The following SUPT5H variants were observed in gnomAD, a reference collection of about 807,000 sequenced individuals.
SUPT5H encodes the protein SPT5 homolog, DSIF elongation factor subunit, also known as transcription elongation factor SPT5.
Under a neutral mutation model 142.5 loss-of-function variants are expected in SUPT5H, and 24 were observed. That is an observed-to-expected ratio of 0.17 (90% CI 0.12 to 0.24). SUPT5H has a LOEUF of 0.24. SUPT5H is among the 10% of genes least tolerant of loss of function. The pLI is 1.00. For synonymous variants in SUPT5H, 546 were observed against 553.0 expected (o/e 0.99, Z 0.18); for missense variants, 893 against 1,471.8 (o/e 0.61, Z 6.43).
At position 39,476,070 on chromosome 19, in the gene SUPT5H, C is replaced by T; in HGVS notation, c.3025-11C>T. The T allele has an allele frequency of 6.2e-7, 1 of 1,613,552 alleles. No individual in the cohort carries two copies. Among genetic ancestry groups the T allele is most frequent in the Non-Finnish European group, 8.5e-7 (1 of 1,179,612 alleles). ...GCAGGACAGGCTGACCAGGCTGTCC[C>T]CATCCTCCAGGGGGGCATGTGCTCT... On this transcript the variant is annotated splice_polypyrimidine_tract_variant and intron_variant, in intron 28 of 29. Transcript: ENST00000432763.
chr19:39,473,547 G>A lies in SUPT5H; in HGVS notation c.2492+26G>A. 1.3e-6 allele frequency: 2 copies of A among 1,594,094 alleles called. No homozygotes were observed. Among genetic ancestry groups the A allele is most frequent in the Non-Finnish European group, 1.7e-6 (2 of 1,174,124 alleles). Reference sequence around the variant, plus strand: ...GTGAGTCCAGGGTTCCCCAGGTTCTGGTGTGTGCTGGTGTGTGTGAGGGAT... The same window carrying A: ...GTGAGTCCAGGGTTCCCCAGGTTCTAGTGTGTGCTGGTGTGTGTGAGGGAT... On this transcript the variant is annotated intron_variant, in intron 25 of 29. Coordinates refer to ENST00000432763, the MANE Select transcript of SUPT5H (RefSeq NM_001111020.3). The surrounding 1 kb of genome is among the most constrained non-coding windows in gnomAD (Gnocchi z 5.8).
chr19:39,470,738 C>T lies in SUPT5H; in HGVS notation c.1677+215C>T, dbSNP rs530748595. ...CCCTATAAAATGGAAACGAGAGCAG[C>T]GTCTACTTTGTTCATAGTGAATGAT... On this transcript the variant is annotated intron_variant, in intron 18 of 29. Transcript: ENST00000432763. This position sits in a 1 kb window ranked among gnomAD's most constrained non-coding sequence, Gnocchi z 5.8. Among the ~76,000 whole-genome samples the T allele has an allele frequency of 1.3e-5, 2 of 152,282 alleles. No homozygotes were observed. Among genetic ancestry groups the T allele is most frequent in the Admixed American group, 6.5e-5 (1 of 15,298 alleles).
At position 39,457,279 on chromosome 19, in the gene SUPT5H, G is replaced by A. The variant is rs532886474; in HGVS notation, c.242-396G>A. On this transcript the variant is annotated intron_variant, in intron 3 of 29. Transcript: ENST00000432763. ...CAGAACAGGGCAGGGTGTATAGTATGCTCTCAGCATTAGCTGTTATAAATG... is the reference window on the plus strand; with the variant it reads ...CAGAACAGGGCAGGGTGTATAGTATACTCTCAGCATTAGCTGTTATAAATG... Among the ~76,000 whole-genome samples, 200 of 152,334 alleles carry A rather than the reference G, an allele frequency of 1.3e-3. 4 individuals are homozygous for A. Among genetic ancestry groups the A allele is most frequent in the Middle Eastern group, 3.4e-3 (1 of 294 alleles).
rs752067691 is a variant in SUPT5H at position 39,459,258 on chromosome 19, GT to G, written c.524+11del. 3.2e-6 allele frequency: 5 copies of G among 1,557,146 alleles called. No individual in the cohort carries two copies. Among genetic ancestry groups the G allele is most frequent in the Non-Finnish European group, 4.3e-6 (5 of 1,150,038 alleles). The stretch of plus-strand genomic sequence containing the variant: ...CTGCTCCCAGGAGTCAAGTAAGGGG[GT>G]TGGGATGGTGGGGGCCGTGCTGGGG... On this transcript the variant is annotated intron_variant, in intron 8 of 29. Transcript: ENST00000432763.
chr19:39,458,784 C>G lies in SUPT5H; in HGVS notation c.320-34C>G. 2 of 1,585,106 alleles carry G rather than the reference C, an allele frequency of 1.3e-6. No homozygotes were observed. ...TCTCCAGGCCCCTGCCCTCCACCTG[C>G]CCTTGCTCACGCCCTCTGCCCATTA... On this transcript the variant is annotated intron_variant, in intron 5 of 29. Transcript: ENST00000432763. The surrounding 1 kb of genome is among the most constrained non-coding windows in gnomAD (Gnocchi z 4.2).
At chr19:39,465,859 C>T (rs551212732) in intron 11 of SUPT5H, among the ~76,000 whole-genome samples, 113 of 152,288 alleles carry the variant, frequency 7.4e-4, no homozygotes, top group Middle Eastern at 6.8e-3. Flanking sequence ...GTGTCTCTAA[C>T]CTGAATTCTT....
At chr19:39,451,334 G>C (rs1054059035) in intron 2 of SUPT5H, among the ~76,000 whole-genome samples, 1 of 151,198 alleles carries the variant, frequency 6.6e-6, no homozygotes, top group Non-Finnish European at 1.5e-5. Context: ...GACTACAGGC[G>C]TGCCACCATG....
At chr19:39,462,751 G>A (rs927958196) in intron 10 of SUPT5H, among the ~76,000 whole-genome samples, 6 of 150,886 alleles carry the variant, frequency 4.0e-5, no homozygotes, top group African/African-American at 1.2e-4. Context: ...GGCTGGTCTC[G>A]AACTCCTGAC....
At position 39,453,426 on chromosome 19, in the gene SUPT5H, A is replaced by G; in HGVS notation, c.146A>G (p.Glu49Gly). The G allele has an allele frequency of 1.3e-6, 2 of 1,583,440 alleles. No individual in the cohort carries two copies. The highest frequency in any genetic ancestry group is 1.7e-6 in the Non-Finnish European group (2 of 1,164,378). The stretch of plus-strand genomic sequence containing the variant: ...GAGCCTGAGGACGAAGAGGAGGAGG[A>G]AGAGGAGGAGGAATACGATGAGGAA... Reference protein sequence around the residue: ...EEEPEDEEEEEEEEEYDEEEE... With the variant: ...EEEPEDEEEEGEEEEYDEEEE... Residue 49 changes from glutamate (E) to glycine (G), a missense_variant, in exon 3 of 30, where the codon GAA becomes GGA. This residue lies in a region of SUPT5H where 70 missense variants were observed against 70.5 expected (regional missense o/e 0.99). Transcript: ENST00000432763.
intron 1 of SUPT5H, 34 bp from the exon 2 acceptor site, chr19:39,445,770 G>C: frequency 8.3e-7 from 1 of 1,210,102 alleles, no homozygotes; most frequent in East Asian, 2.5e-5. Flanking sequence ...AAACGAGCCT[G>C]CCGGAAGCGC....
chr19:39,461,673 G>A (rs945310965), intron 10 of SUPT5H, among the ~76,000 whole-genome samples: 4 of 151,574 alleles, frequency 2.6e-5, no homozygotes, highest in Non-Finnish European at 5.9e-5. Flanking sequence ...AAATACAAAA[G>A]ATTAGCCAGG....
chr19:39,452,252 C>T (rs1199747288), intron 2 of SUPT5H, among the ~76,000 whole-genome samples: 2 of 151,968 alleles, frequency 1.3e-5, no homozygotes, highest in Non-Finnish European at 2.9e-5. Context: ...GCTGCTGGTG[C>T]ATGGAGGTCT....
intron 13 of SUPT5H, chr19:39,468,491 AG>A: frequency 1.9e-6 from 1 of 517,066 alleles, no homozygotes; most frequent in East Asian, 3.3e-5. Flanking sequence ...CATGCTAGTT[AG>A]GGGGACAGGT....
chr19:39,455,093 T>G (rs2079070296), intron 3 of SUPT5H, among the ~76,000 whole-genome samples: 1 of 152,178 alleles, frequency 6.6e-6, no homozygotes, highest in Admixed American at 6.5e-5. Flanking sequence ...CAAAGATGCT[T>G]GTTGTAGTCC....
chr19:39,469,874 A>G lies in SUPT5H; in HGVS notation c.1375-245A>G. ...GCAGGCTCTCTGTGTGGGTATAGGT[A>G]GGCATCGTGTGTCTTGAGGGCGGGC... On this transcript the variant is annotated intron_variant, in intron 16 of 29. Transcript: ENST00000432763. This position sits in a 1 kb window ranked among gnomAD's most constrained non-coding sequence, Gnocchi z 5.1. 1.9e-6 allele frequency: 1 copy of G among 519,242 alleles called. No individual in the cohort carries two copies. Among genetic ancestry groups the G allele is most frequent in the Non-Finnish European group, 3.4e-6 (1 of 290,590 alleles). 32.2% of individuals were successfully genotyped at this position (519,242 alleles called of 1,614,324 possible).
Position 39,472,716 on chromosome 19 carries a change from A to C in SUPT5H, c.2036-94A>C. 3 of 1,507,388 alleles carry C rather than the reference A, an allele frequency of 2.0e-6. No individual in the cohort carries two copies. The South Asian group carries it at 3.9e-5, about 20-fold the overall frequency. The allele number at this position is 1,507,388 out of a possible 1,614,324, so 93.4% of individuals were successfully genotyped here. A position where few individuals can be genotyped will look rare whatever the true frequency, so the allele number is the denominator to read the frequency against. ...GGCAGAGGAGGCTCTTAACCCAAGT[A>C]GGGAGGAGTCAAGCAAGTGAAGGGG... is the stretch of plus-strand genomic sequence containing the variant. On this transcript the variant is annotated intron_variant, in intron 21 of 29. Transcript: ENST00000432763. This position sits in a 1 kb window ranked among gnomAD's most constrained non-coding sequence, Gnocchi z 4.2.
Position 39,474,666 on chromosome 19 carries a change from C to G in SUPT5H, c.2972C>G (p.Thr991Ser). ...GACATTCAGGTGAAGGTGCGGGACA[C>G]CTACCTGGATACACAGGTGGTGGGA... ...TTDIQVKVRDTYLDTQVVGQT... is the reference protein window; with the variant it reads ...TTDIQVKVRDSYLDTQVVGQT... Residue 991 changes from threonine to serine, a missense_variant, in exon 28 of 30, where the codon ACC (threonine) becomes AGC (serine). Transcript: ENST00000432763. This position sits in a 1 kb window ranked among gnomAD's most constrained non-coding sequence, Gnocchi z 6.5. The G allele has an allele frequency of 6.2e-7, 1 of 1,614,130 alleles. No homozygotes were observed. The highest frequency in any genetic ancestry group is 1.3e-5 in the African/African-American group (1 of 75,058).
In SUPT5H at chr19:39,466,592, TG is replaced by T. The variant is rs57236251; in HGVS notation, c.966+30del. On this transcript the variant is annotated intron_variant, in intron 12 of 29. Coordinates refer to ENST00000432763, the MANE Select transcript of SUPT5H (RefSeq NM_001111020.3). The surrounding 1 kb of genome is among the most constrained non-coding windows in gnomAD (Gnocchi z 4.3). ...TTGGTACTCAGGGGAATCTGTGGCC[TG>T]GGGGGGAGGGAGTGTGCTCGATCCC... 1.9e-6 allele frequency: 3 copies of T among 1,613,590 alleles called. No homozygotes were observed. The highest frequency in any genetic ancestry group is 3.3e-5 in the Admixed American group (2 of 59,990).
chr19:39,455,914 C>T (rs1431617100), intron 3 of SUPT5H, among the ~76,000 whole-genome samples: 1 of 143,704 alleles, frequency 7.0e-6, no homozygotes, highest in Non-Finnish European at 1.5e-5. Context: ...AACCACTGCG[C>T]CCCGCCTCTT....
Sources: gnomAD v4.1 joint callset for allele counts (sites outside exome capture counted in the v4.1 genomes callset) on GRCh38, gnomAD v4.1.1 for gene constraint, gnomAD v4.1.1 regional missense constraint, Gnocchi (gnomAD v3.1) non-coding constraint, MANE v1.5 for transcripts, NCBI Gene and HGNC (gene_info 2026-07-23, HGNC 2026-07-21) for gene names.